Variants in ARMC8 observed in about 807,000 individuals in gnomAD.
ARMC8 encodes the protein armadillo repeat containing 8.
Under a neutral mutation model 99.3 loss-of-function variants are expected in ARMC8, and 20 were observed. The ratio of observed to expected loss-of-function variants is 0.20; its 90% CI spans 0.14 to 0.29. The LOEUF (loss-of-function observed/expected upper bound fraction) is 0.29. Among genes scored for constraint, ARMC8 ranks in the 10% least tolerant of loss-of-function variants. The probability of loss-of-function intolerance (pLI) is 1.00; values close to 1 mark genes in which losing one functional copy is unlikely to be tolerated. For synonymous variants in ARMC8, 263 were observed against 278.3 expected (o/e 0.95, Z 0.55); for missense variants, 569 against 809.5 (o/e 0.70, Z 3.60).
At chr3:138,222,475 T>A (rs1051798805) in intron 3 of ARMC8, among the ~76,000 whole-genome samples, 2 of 152,248 alleles carry the variant, frequency 1.3e-5, no homozygotes, top group African/African-American at 4.8e-5. Flanking sequence ...TTTAGGAAGT[T>A]TAATTTCTTC....
chr3:138,208,435 C>G (rs1209165590), intron 1 of ARMC8, among the ~76,000 whole-genome samples: 1 of 152,202 alleles, frequency 6.6e-6, no homozygotes, highest in African/African-American at 2.4e-5. Flanking sequence ...CTGCTGGACT[C>G]TAGCCTGGGC....
chr3:138,294,263 G>A (rs1358735758), intron 21 of ARMC8, among the ~76,000 whole-genome samples: 1 of 152,182 alleles, frequency 6.6e-6, no homozygotes, highest in Non-Finnish European at 1.5e-5. Flanking sequence ...GATGCTTACA[G>A]ATGAGAAGCT....
intron 1 of ARMC8, chr3:138,188,667 G>A: frequency 8.8e-7 from 1 of 1,140,452 alleles, no homozygotes; most frequent in Non-Finnish European, 1.3e-6. Context: ...GGTTCCTAGA[G>A]TCTTGTAACT....
intron 21 of ARMC8, among the ~76,000 whole-genome samples, chr3:138,294,896 T>TG (rs1052015318): frequency 2.0e-5 from 3 of 151,094 alleles, no homozygotes; most frequent in Non-Finnish European, 4.4e-5. Flanking sequence ...TTGTTTGTTT[T>TG]TTGTTCTTTT....
At chr3:138,203,405 G>T (rs2044186722) in intron 1 of ARMC8, among the ~76,000 whole-genome samples, 1 of 152,232 alleles carries the variant, frequency 6.6e-6, no homozygotes, top group Non-Finnish European at 1.5e-5. Flanking sequence ...TGTGGTTGCA[G>T]TGAGGGTGTC....
intron 2 of ARMC8, among the ~76,000 whole-genome samples, chr3:138,212,386 C>T (rs987273442): frequency 9.3e-5 from 14 of 151,150 alleles, no homozygotes; most frequent in South Asian, 2.1e-4. Context: ...CTCGGCTCAC[C>T]GCAACCTCCA....
intron 12 of ARMC8, chr3:138,246,805 G>C (rs1231225470): frequency 1.0e-6 from 1 of 979,994 alleles, no homozygotes; most frequent in East Asian, 1.1e-4. Context: ...TATTCATAAT[G>C]TGTATAATTT....
At chr3:138,205,055 CTTTTCTTTTTTTTTTTTT>C (rs1401553005) in intron 1 of ARMC8, among the ~76,000 whole-genome samples, 1 of 113,680 alleles carries the variant, frequency 8.8e-6, no homozygotes, top group African/African-American at 3.5e-5. Flanking sequence ...CTTTTCTTTT[CTTTTCTTTTTTTTTTTTT>C]TTTTTTTTTT....
intron 1 of ARMC8, among the ~76,000 whole-genome samples, chr3:138,205,142 C>T (rs1449438008): frequency 6.8e-6 from 1 of 147,734 alleles, no homozygotes; most frequent in African/African-American, 2.5e-5. Context: ...GATCTTAGCC[C>T]ACTGCAACCT....
chr3:138,245,310 G>A, intron 12 of ARMC8, 127 bp downstream of exon 12: 3 of 1,564,650 alleles, frequency 1.9e-6, no homozygotes, highest in Non-Finnish European at 2.6e-6. Flanking sequence ...AGTGACTAAA[G>A]GCATAATTGA....
At chr3:138,247,526 A>T (rs1430455490) in intron 12 of ARMC8, among the ~76,000 whole-genome samples, 1 of 152,246 alleles carries the variant, frequency 6.6e-6, no homozygotes, top group African/African-American at 2.4e-5. Flanking sequence ...CATTTAAATT[A>T]AAAATGAGAA....
Position 138,228,905 on chromosome 3 carries a change from T to G in ARMC8, c.436-13T>G. The G allele has an allele frequency of 6.3e-7, 1 of 1,579,124 alleles. No homozygotes were observed. Among genetic ancestry groups the G allele is most frequent in the Non-Finnish European group, 8.7e-7 (1 of 1,151,530 alleles). On this transcript the variant is annotated splice_polypyrimidine_tract_variant and intron_variant, in intron 5 of 21. Coordinates refer to ENST00000469044, the MANE Select transcript of ARMC8 (RefSeq NM_001363941.2). ...GTGCCTGAGTTTCTTGTTGCTGTGT[T>G]CTCCTTCCCTAGGATGCCACAGTGA...
At chr3:138,262,365 A>G (rs1390087133) in intron 12 of ARMC8, 9 of 734,868 alleles carry the variant, frequency 1.2e-5, no homozygotes, top group East Asian at 5.1e-5. Flanking sequence ...AACACCAGAT[A>G]AAAATTACCA....
At chr3:138,214,876 C>T (rs2108047383) in intron 2 of ARMC8, among the ~76,000 whole-genome samples, 1 of 152,264 alleles carries the variant, frequency 6.6e-6, no homozygotes, top group Admixed American at 6.5e-5. Context: ...CTGGGCTGTT[C>T]TCGAACTCCT....
chr3:138,229,129 T>G (rs2108109600), intron 6 of ARMC8, 119 bp downstream of exon 6: 1 of 170,980 alleles, frequency 5.8e-6, no homozygotes, highest in Admixed American at 7.1e-5. Context: ...CCTGTGTGTG[T>G]GCGTGTATAT....
At chr3:138,268,669 G>A (rs184942345) in intron 15 of ARMC8, among the ~76,000 whole-genome samples, 286 of 152,122 alleles carry the variant, frequency 1.9e-3, no homozygotes, top group Middle Eastern at 6.8e-3. Flanking sequence ...CTAGCTACTC[G>A]AGAGGCCGAG....
intron 12 of ARMC8, 172 bp from the exon 13 acceptor site, chr3:138,263,567 T>C (rs181522820): frequency 6.7e-4 from 432 of 646,390 alleles, no homozygotes; most frequent in Non-Finnish European, 7.7e-4. Flanking sequence ...GGGCTAGACC[T>C]ACCTTTCTGA....
chr3:138,252,373 G>T (rs962425111), intron 12 of ARMC8, among the ~76,000 whole-genome samples: 1 of 151,620 alleles, frequency 6.6e-6, no homozygotes, highest in Non-Finnish European at 1.5e-5. Context: ...GTCCCACAAA[G>T]TCTAAAATAT....
chr3:138,226,326 G>T (rs2045696072), intron 5 of ARMC8, among the ~76,000 whole-genome samples: 1 of 152,198 alleles, frequency 6.6e-6, no homozygotes, highest in Non-Finnish European at 1.5e-5. Flanking sequence ...ATGGTTTTGT[G>T]TGACATTCTT....
Sources: gnomAD v4.1 joint callset for allele counts (sites outside exome capture counted in the v4.1 genomes callset) on GRCh38, gnomAD v4.1.1 for gene constraint, MANE v1.5 for transcripts, NCBI Gene and HGNC (gene_info 2026-07-23, HGNC 2026-07-21) for gene names.